CACNB2: variants seen among roughly 807,000 people sequenced by gnomAD.
CACNB2 encodes the protein voltage-dependent L-type calcium channel subunit beta-2.
Under a neutral mutation model 73.3 loss-of-function variants are expected in CACNB2, and 42 were observed. The ratio of observed to expected loss-of-function variants is 0.57; its 90% CI spans 0.45 to 0.74. The LOEUF (loss-of-function observed/expected upper bound fraction) is 0.74. Ranked by LOEUF, CACNB2 falls within the 30% of genes least tolerant of loss-of-function variation. The pLI, the probability that CACNB2 is intolerant of heterozygous loss-of-function variation, is 0.00. For synonymous variants in CACNB2, 348 were observed against 310.3 expected, an observed-to-expected ratio of 1.12 and a Z score of -1.28; for missense variants, 940 against 853.0, an observed-to-expected ratio of 1.10 and a Z score of -1.27.
At chr10:18,517,186 G>A (rs2051367350) in intron 7 of CACNB2, among the ~76,000 whole-genome samples, 1 of 152,152 alleles carries the variant, frequency 6.6e-6, no homozygotes, top group African/African-American at 2.4e-5. Context: ...GTTGGTGTGT[G>A]TGATTCTCAA....
chr10:18,536,009 T>TA (rs2053536308), intron 11 of CACNB2, 92 bp from the exon 12 acceptor site: 1 of 757,182 alleles, frequency 1.3e-6, no homozygotes. Flanking sequence ...GTGCTGTATA[T>TA]AAAAAGGCCC....
At chr10:18,196,745 T>C (rs1313005173) in intron 2 of CACNB2, among the ~76,000 whole-genome samples, 1 of 152,210 alleles carries the variant, frequency 6.6e-6, no homozygotes, top group African/African-American at 2.4e-5. Context: ...GGTTATCTTT[T>C]TCTTTAATGC....
intron 3 of CACNB2, among the ~76,000 whole-genome samples, chr10:18,476,295 G>A (rs181060307): frequency 9.9e-5 from 15 of 152,194 alleles, no homozygotes; most frequent in Middle Eastern, 3.4e-3. Flanking sequence ...CGTTCTTGGC[G>A]TCTTCAACAA....
At chr10:18,191,960 T>A (rs572027631) in intron 2 of CACNB2, among the ~76,000 whole-genome samples, 2 of 152,146 alleles carry the variant, frequency 1.3e-5, no homozygotes, top group South Asian at 4.2e-4. Flanking sequence ...TACCCATTAG[T>A]GGGATTGCTG....
intron 2 of CACNB2, among the ~76,000 whole-genome samples, chr10:18,279,119 G>A (rs1419250): frequency 0.8 from 121,263 of 152,228 alleles, 48,588 homozygotes; most frequent in East Asian, 0.99. Flanking sequence ...TATCAAGGAC[G>A]TTTTAATTTA....
At chr10:18,372,783 A>T (rs567189943) in intron 2 of CACNB2, among the ~76,000 whole-genome samples, 72 of 152,280 alleles carry the variant, frequency 4.7e-4, no homozygotes, top group African/African-American at 1.7e-3. Context: ...AACTATCTGC[A>T]CTTTACTGTC....
At chr10:18,307,983 C>CATTTTTTTTTTTTTTTTT (rs1356604464) in intron 2 of CACNB2, among the ~76,000 whole-genome samples, 14 of 70,270 alleles carry the variant, frequency 2.0e-4, no homozygotes, top group African/African-American at 2.4e-4. Flanking sequence ...TATATGCCAA[C>CATTTTTTTTTTTTTTTTT]TTTTTTTTTT....
intron 3 of CACNB2, among the ~76,000 whole-genome samples, chr10:18,437,242 T>A (rs1322041313): frequency 6.6e-6 from 1 of 152,136 alleles, no homozygotes; most frequent in East Asian, 1.9e-4. Context: ...ACAAGACAGA[T>A]GAGAAGTTTT....
Position 18,307,778 on chromosome 10 carries a change from T to G in CACNB2, c.214-94146T>G, listed in dbSNP as rs77789707. On this transcript the variant is annotated intron_variant, in intron 2 of 13. Transcript: ENST00000324631. ...TGGCAATGGAACAAAGGAGCTTATCTCTTAATAAAAATAGAAAAACATAAA... is the reference window on the plus strand; with the variant it reads ...TGGCAATGGAACAAAGGAGCTTATCGCTTAATAAAAATAGAAAAACATAAA... 2.0e-3 allele frequency among the ~76,000 whole-genome samples: 298 copies of G among 152,146 alleles called. 3 individuals are homozygous for G. The highest frequency in any genetic ancestry group is 7.0e-3 in the African/African-American group (290 of 41,518).
intron 9 of CACNB2, among the ~76,000 whole-genome samples, chr10:18,522,455 A>G (rs994328060): frequency 6.6e-6 from 1 of 152,182 alleles, no homozygotes. Context: ...GGATTCTTTT[A>G]GATTTCTTAC....
intron 2 of CACNB2, among the ~76,000 whole-genome samples, chr10:18,288,846 A>C (rs979128445): frequency 1.3e-5 from 2 of 152,172 alleles, no homozygotes; most frequent in African/African-American, 4.8e-5. Context: ...GGAGATCGAG[A>C]CCAGCCTGGT....
chr10:18,200,538 A>G (rs1015656599), intron 2 of CACNB2, among the ~76,000 whole-genome samples: 3 of 151,998 alleles, frequency 2.0e-5, no homozygotes, highest in African/African-American at 7.2e-5. Flanking sequence ...AATAAAATTT[A>G]AAACTTCCAG....
intron 3 of CACNB2, among the ~76,000 whole-genome samples, chr10:18,488,402 A>G (rs2049189341): frequency 1.4e-5 from 2 of 140,750 alleles, no homozygotes; most frequent in Non-Finnish European, 3.0e-5. Flanking sequence ...GTGAACCTGG[A>G]AGGCGGAGCT....
At chr10:18,425,962 A>G (rs1269609431) in intron 3 of CACNB2, among the ~76,000 whole-genome samples, 1 of 152,158 alleles carries the variant, frequency 6.6e-6, no homozygotes, top group Non-Finnish European at 1.5e-5. Flanking sequence ...CTGAGCTGCT[A>G]TTCATGTTTC....
intron 2 of CACNB2, among the ~76,000 whole-genome samples, chr10:18,280,436 C>G (rs534157050): frequency 6.6e-6 from 1 of 152,134 alleles, no homozygotes; most frequent in Non-Finnish European, 1.5e-5. Context: ...TGAGCCTGGT[C>G]CTAAAGTCTA....
intron 1 of CACNB2, among the ~76,000 whole-genome samples, chr10:18,148,232 C>T (rs187402804): frequency 6.6e-4 from 100 of 152,228 alleles, no homozygotes; most frequent in South Asian, 1.2e-3. Flanking sequence ...ACTCTTAAGG[C>T]ATGAGCAAAT....
intron 2 of CACNB2, among the ~76,000 whole-genome samples, chr10:18,282,657 C>G (rs2038604289): frequency 6.6e-6 from 1 of 152,144 alleles, no homozygotes. Context: ...ACAGAGATCC[C>G]AAAAGGCTTA....
At chr10:18,457,014 T>C (rs2047316145) in intron 3 of CACNB2, among the ~76,000 whole-genome samples, 1 of 152,174 alleles carries the variant, frequency 6.6e-6, no homozygotes, top group African/African-American at 2.4e-5. Flanking sequence ...GGGCATAGTC[T>C]ACACACAGAT....
chr10:18,423,547 T>C (rs1030958714), intron 3 of CACNB2, among the ~76,000 whole-genome samples: 2 of 152,214 alleles, frequency 1.3e-5, no homozygotes, highest in Non-Finnish European at 2.9e-5. Context: ...GATGAAATTA[T>C]AAATACACTG....
Sources: allele counts gnomAD v4.1 joint callset (sites outside exome capture counted in the v4.1 genomes callset), GRCh38; gene constraint gnomAD v4.1.1; transcripts MANE v1.5; gene names NCBI Gene and HGNC (gene_info 2026-07-23, HGNC 2026-07-21).